The following PDC variants were observed in gnomAD, a reference collection of about 807,000 sequenced individuals.
PDC encodes the protein phosducin.
In PDC, 19 loss-of-function variants were observed where a neutral mutation model predicts 22.2. That is an observed-to-expected ratio of 0.86 (90% CI 0.60 to 1.26). The LOEUF (loss-of-function observed/expected upper bound fraction) is 1.26, where lower values mean the gene tolerates loss of function less well. Ranked by LOEUF, PDC falls within the 50% of genes most tolerant of loss-of-function variation. The probability of loss-of-function intolerance (pLI) is 0.00; values close to 1 mark genes in which losing one functional copy is unlikely to be tolerated. For missense variants in PDC, 274 were observed against 286.8 expected (o/e 0.96, Z 0.32); for synonymous variants, 97 against 96.2 (o/e 1.01, Z -0.05).
intron 2 of PDC, among the ~76,000 whole-genome samples, chr1:186,448,404 T>C (rs949064044): frequency 3.3e-5 from 5 of 152,154 alleles, no homozygotes; most frequent in African/African-American, 1.2e-4. Flanking sequence ...ATTAGTTTCT[T>C]TTCTTATCGA....
intron 1 of PDC, among the ~76,000 whole-genome samples, chr1:186,450,375 G>C (rs1571723047): frequency 6.6e-6 from 1 of 152,016 alleles, no homozygotes; most frequent in South Asian, 2.1e-4. Context: ...CTGTCTCCCA[G>C]GCTTCATTAA....
At chr1:186,452,443 G>T (rs1018699447) in intron 1 of PDC, among the ~76,000 whole-genome samples, 3 of 152,034 alleles carry the variant, frequency 2.0e-5, no homozygotes. Flanking sequence ...TCACCATGTT[G>T]TCCAGGCTGG....
At position 186,444,442 on chromosome 1, in the gene PDC, T is replaced by C; in HGVS notation, c.278A>G (p.Tyr93Cys). Reference sequence around the variant, plus strand: ...CATATCCTGCATACACTGTCTACGGTATTTACGAAGGCAGTTTTCATCCTC... The same window carrying C: ...CATATCCTGCATACACTGTCTACGGCATTTACGAAGGCAGTTTTCATCCTC... ...EKEDENCLRKYRRQCMQDMHQ... is the reference protein window; with the variant it reads ...EKEDENCLRKCRRQCMQDMHQ... Residue 93 changes from tyrosine to cysteine, a missense_variant, in exon 4 of 4, where the codon TAC (tyrosine) becomes TGC (cysteine). By Grantham distance (194) the Tyr-to-Cys change is radical. Transcript: ENST00000391997. 1 of 1,611,450 alleles carries C rather than the reference T, an allele frequency of 6.2e-7. No homozygotes were observed. Among genetic ancestry groups the C allele is most frequent in the Non-Finnish European group, 8.5e-7 (1 of 1,177,628 alleles).
intron 2 of PDC, among the ~76,000 whole-genome samples, chr1:186,449,014 GA>G (rs768285989): frequency 1.3e-5 from 2 of 151,756 alleles, no homozygotes; most frequent in African/African-American, 4.8e-5. Flanking sequence ...TTTATTAGAT[GA>G]AAAAAATGAA....
chr1:186,446,627 C>A, intron 2 of PDC, 50 bp from the exon 3 acceptor site: 1 of 1,128,558 alleles, frequency 8.9e-7, no homozygotes, highest in Admixed American at 2.1e-5. Flanking sequence ...TTCAAAAGGA[C>A]TGTTGGCATA....
At chr1:186,457,879 A>G (rs146897862) in intron 1 of PDC, among the ~76,000 whole-genome samples, 1 of 152,142 alleles carries the variant, frequency 6.6e-6, no homozygotes, top group East Asian at 1.9e-4. Flanking sequence ...ACTTCCCCCC[A>G]CTCCCAGTAT....
intron 1 of PDC, among the ~76,000 whole-genome samples, chr1:186,456,321 TACTATCCCTAGCAA>T (rs1662471956): frequency 6.6e-6 from 1 of 152,102 alleles, no homozygotes; most frequent in Non-Finnish European, 1.5e-5. Context: ...CAATAACTGT[TACTATCCCTAGCAA>T]ACTAAAAGGT....
chr1:186,458,914 C>G (rs989872915), intron 1 of PDC, among the ~76,000 whole-genome samples: 4 of 152,172 alleles, frequency 2.6e-5, no homozygotes, highest in African/African-American at 9.7e-5. Flanking sequence ...GTAATCCCAA[C>G]GCTTTGAGAG....
At chr1:186,457,863 T>C (rs1372223088) in intron 1 of PDC, among the ~76,000 whole-genome samples, 1 of 152,342 alleles carries the variant, frequency 6.6e-6, no homozygotes, top group South Asian at 2.1e-4. Context: ...CCTTACTTTA[T>C]GCCTGACTTC....
chr1:186,444,439 C>T lies in PDC; in HGVS notation c.281G>A (p.Arg94His), dbSNP rs368302911. 136 of 1,612,188 alleles carry T rather than the reference C, an allele frequency of 8.4e-5. No homozygotes were observed. The highest frequency in any genetic ancestry group is 1.8e-4 in the East Asian group (8 of 44,870). ...KEDENCLRKYRRQCMQDMHQK... is the reference protein window; with the variant it reads ...KEDENCLRKYHRQCMQDMHQK... Reference sequence around the variant, plus strand: ...GTGCATATCCTGCATACACTGTCTACGGTATTTACGAAGGCAGTTTTCATC... The same window carrying T: ...GTGCATATCCTGCATACACTGTCTATGGTATTTACGAAGGCAGTTTTCATC... The change falls in exon 4 of 4, where the codon CGT becomes CAT. Residue 94 changes from arginine (R) to histidine (H), a missense_variant. Physicochemically the swap from Arg to His is conservative, Grantham distance 29. Transcript: ENST00000391997.
chr1:186,460,107 T>C (rs1431708387), intron 1 of PDC, among the ~76,000 whole-genome samples: 1 of 152,146 alleles, frequency 6.6e-6, no homozygotes, highest in African/African-American at 2.4e-5. Flanking sequence ...AACAACATAC[T>C]ACTAAGGAAA....
At chr1:186,444,535 T>A in intron 3 of PDC, 29 bp from the exon 4 acceptor site, 1 of 1,459,690 alleles carries the variant, frequency 6.9e-7, no homozygotes, top group Non-Finnish European at 9.5e-7. Context: ...TAGAAATTAT[T>A]AAGTCAGAAG....
At position 186,443,693 on chromosome 1, in the gene PDC, C is replaced by T. The variant is rs1662151910; in HGVS notation, c.*286G>A. 3.7e-6 allele frequency: 1 copy of T among 269,002 alleles called. No individual in the cohort carries two copies. Among genetic ancestry groups the T allele is most frequent in the South Asian group, 1.2e-4 (1 of 8,536 alleles). 16.7% of individuals were successfully genotyped at this position (269,002 alleles called of 1,614,324 possible). ...ATGAGGGAAAATGGAGTAAAAAAGA[C>T]AAAACATAACTTGAAAGGGATTTTT... On this transcript the variant is annotated 3_prime_UTR_variant, in exon 4 of 4. Transcript: ENST00000391997.
intron 3 of PDC, 71 bp downstream of exon 3, chr1:186,446,355 G>A: frequency 8.6e-7 from 1 of 1,162,544 alleles, no homozygotes; most frequent in East Asian, 2.4e-5. Context: ...AGTCTAAAGT[G>A]ATTCTCTAGA....
Position 186,446,456 on chromosome 1 carries a change from G to A in PDC, c.183C>T (p.Gly61=). 1 of 1,603,592 alleles carries A rather than the reference G, an allele frequency of 6.2e-7. No individual in the cohort carries two copies. The highest frequency in any genetic ancestry group is 8.5e-7 in the Non-Finnish European group (1 of 1,173,580). The part of the protein sequence containing the change: ...RQMSSPQSRN[G]KDSKERVSRK... ...TGCTGACTCGTTCCTTTGAATCTTT[G>A]CCATTCCTACTCTGAGGAGAAGACA... The change falls in exon 3 of 4, where the codon GGC becomes GGT. Residue 61 remains glycine (G), a synonymous_variant. Transcript: ENST00000391997.
chr1:186,449,524 C>T, intron 1 of PDC, 41 bp from the exon 2 acceptor site: 1 of 982,102 alleles, frequency 1.0e-6, no homozygotes, highest in Non-Finnish European at 1.6e-6. Context: ...ACAAGAATTC[C>T]AGGATGTACA....
rs1167836117 is a variant in PDC at position 186,444,412 on chromosome 1, T to C, written c.308A>G (p.Gln103Arg). The change falls in exon 4 of 4, where the codon CAG becomes CGG. Residue 103 changes from glutamine (Q) to arginine (R), a missense_variant. Gln to Arg is a conservative substitution (Grantham distance 43, BLOSUM62 1). Coordinates refer to ENST00000391997, the MANE Select transcript of PDC (RefSeq NM_002597.5). ...YRRQCMQDMHQKLSFGPRYGF... is the reference protein window; with the variant it reads ...YRRQCMQDMHRKLSFGPRYGF... Reference sequence around the variant, plus strand: ...ATATCTAGGCCCAAAACTCAGCTTCTGGTGCATATCCTGCATACACTGTCT... The same window carrying C: ...ATATCTAGGCCCAAAACTCAGCTTCCGGTGCATATCCTGCATACACTGTCT... 1.2e-6 allele frequency: 2 copies of C among 1,613,872 alleles called. No individual in the cohort carries two copies. The highest frequency in any genetic ancestry group is 2.7e-5 in the African/African-American group (2 of 74,920).
chr1:186,454,798 A>T (rs919433003), intron 1 of PDC, among the ~76,000 whole-genome samples: 1 of 152,268 alleles, frequency 6.6e-6, no homozygotes, highest in East Asian at 1.9e-4. Flanking sequence ...CAATAAAAAA[A>T]TTAATCCTAT....
chr1:186,446,893 A>G (rs1662242690), intron 2 of PDC, among the ~76,000 whole-genome samples: 2 of 152,218 alleles, frequency 1.3e-5, no homozygotes, highest in African/African-American at 4.8e-5. Flanking sequence ...ATAGGATACT[A>G]GAATTTTGGA....
Sources: allele counts gnomAD v4.1 joint callset (sites outside exome capture counted in the v4.1 genomes callset), GRCh38; gene constraint gnomAD v4.1.1; transcripts MANE v1.5; gene names NCBI Gene and HGNC (gene_info 2026-07-23, HGNC 2026-07-21).